The following ELFN1 variants were observed in gnomAD, a reference collection of about 807,000 sequenced individuals.
The protein encoded by ELFN1 is protein ELFN1.
In ELFN1, 6 loss-of-function variants were observed where a neutral mutation model predicts 7.6. The ratio of observed to expected loss-of-function variants is 0.79; its 90% CI spans 0.43 to 1.56. The LOEUF (loss-of-function observed/expected upper bound fraction) is 1.56. ELFN1 is among the 40% of genes most tolerant of loss of function. The pLI is 0.01. For synonymous variants in ELFN1, 657 were observed against 588.1 expected (o/e 1.12, Z -1.70); for missense variants, 1,169 against 1,232.2 (o/e 0.95, Z 0.77).
intron 3 of ELFN1, among the ~76,000 whole-genome samples, chr7:1,712,849 A>C (rs1779702260): frequency 6.6e-6 from 1 of 152,164 alleles, no homozygotes; most frequent in Admixed American, 6.5e-5. Context: ...TTTTATCAGG[A>C]CAGCTTCAAG....
At position 1,743,163 on chromosome 7, in the gene ELFN1, G is replaced by A. The variant is rs148322400; in HGVS notation, c.-293-1141G>A. Among the ~76,000 whole-genome samples, 292 of 152,268 alleles carry A rather than the reference G, an allele frequency of 1.9e-3. 3 individuals carry two copies. Among genetic ancestry groups the A allele is most frequent in the African/African-American group, 6.5e-3 (271 of 41,542 alleles). ...GACGTACCTCCAGCCCCGTCTGCAG[G>A]GTCCTTCCTGCCTGGGGCTTCCCCG... On this transcript the variant is annotated intron_variant, in intron 3 of 3. Transcript: ENST00000424383.
In ELFN1 at chr7:1,729,635, A is replaced by G. The variant is rs1780283927; in HGVS notation, c.-293-14669A>G. Among the ~76,000 whole-genome samples the G allele has an allele frequency of 2.6e-5, 4 of 152,294 alleles. No individual in the cohort carries two copies. In the South Asian group the frequency reaches 6.2e-4, roughly 24 times the overall value. ...GGTTAAGGCTGTCTCAGGCCAGCCC[A>G]GATTCAGGCGTGCTGAGCTAGACCC... On this transcript the variant is annotated intron_variant, in intron 3 of 3. Coordinates refer to ENST00000424383, the MANE Select transcript of ELFN1 (RefSeq NM_001128636.4).
In ELFN1 at chr7:1,688,833, C is replaced by T. The variant is rs375503912; in HGVS notation, c.-456+683C>T. ...TATTTCTCTTGTTACCCTTTTATAG[C>T]CATGCCCCCTTCCCTCACCCCATCC... On this transcript the variant is annotated intron_variant, in intron 2 of 3. Coordinates refer to ENST00000424383, the MANE Select transcript of ELFN1 (RefSeq NM_001128636.4). 5.9e-5 allele frequency among the ~76,000 whole-genome samples: 9 copies of T among 152,256 alleles called. 1 individual carries two copies. In the South Asian group the frequency reaches 1.0e-3, roughly 18 times the overall value.
At chr7:1,679,203 G>A (rs752889048) in intron 1 of ELFN1, among the ~76,000 whole-genome samples, 8 of 152,096 alleles carry the variant, frequency 5.3e-5, no homozygotes, top group Admixed American at 2.0e-4. Flanking sequence ...ACACAACTGC[G>A]CATGGCTCCC....
At chr7:1,725,430 A>G (rs1780161979) in intron 3 of ELFN1, among the ~76,000 whole-genome samples, 1 of 141,258 alleles carries the variant, frequency 7.1e-6, no homozygotes, top group South Asian at 2.3e-4. Context: ...GCAGCCTTAG[A>G]GAGGCGGGAG....
upstream of ELFN1, among the ~76,000 whole-genome samples, chr7:1,666,283 C>CT (rs1778669810): frequency 6.6e-6 from 1 of 150,688 alleles, no homozygotes; most frequent in Admixed American, 6.6e-5. The surrounding 1 kb of genome is among the most constrained non-coding windows in gnomAD (Gnocchi z 7.9). Context: ...AGGATGCTCT[C>CT]TGGGGGGGGC....
At chr7:1,737,349 C>T (rs1352232413) in intron 3 of ELFN1, among the ~76,000 whole-genome samples, 1 of 152,036 alleles carries the variant, frequency 6.6e-6, no homozygotes, top group African/African-American at 2.4e-5. Context: ...AGAGCAAGGC[C>T]AGGAGATGAA....
chr7:1,719,177 GC>G (rs1562375596), intron 3 of ELFN1, among the ~76,000 whole-genome samples: 1 of 123,864 alleles, frequency 8.1e-6, no homozygotes, highest in African/African-American at 3.7e-5. Context: ...ACAGGGCCCC[GC>G]CCACCAACAG....
chr7:1,732,757 A>G (rs1471646927), intron 3 of ELFN1, among the ~76,000 whole-genome samples: 1 of 152,162 alleles, frequency 6.6e-6, no homozygotes, highest in African/African-American at 2.4e-5. Flanking sequence ...AAGCAAGTCA[A>G]AAGCAAGCAT....
intron 2 of ELFN1, among the ~76,000 whole-genome samples, chr7:1,697,307 T>G (rs191650361): frequency 1.6e-3 from 250 of 152,138 alleles, no homozygotes; most frequent in South Asian, 3.3e-3. Context: ...TGCCGCAGAG[T>G]GTGGGACTCA....
At chr7:1,686,777 C>T (rs1262373993) in intron 1 of ELFN1, among the ~76,000 whole-genome samples, 1 of 152,160 alleles carries the variant, frequency 6.6e-6, no homozygotes, top group Non-Finnish European at 1.5e-5. Context: ...TGGGCCCTCT[C>T]TGCTGTCCCC....
intron 3 of ELFN1, among the ~76,000 whole-genome samples, chr7:1,728,817 C>T (rs569365426): frequency 1.1e-4 from 17 of 152,266 alleles, no homozygotes; most frequent in East Asian, 3.9e-4. Flanking sequence ...CAGCTCCTGT[C>T]GGGGAAGGGG....
chr7:1,732,812 G>C (rs1024517929), intron 3 of ELFN1, among the ~76,000 whole-genome samples: 9 of 152,186 alleles, frequency 5.9e-5, no homozygotes, highest in African/African-American at 2.2e-4. Context: ...CCTCTTTCCT[G>C]GGAAGTGAGC....
upstream of ELFN1, among the ~76,000 whole-genome samples, chr7:1,667,694 C>T (rs976850151): frequency 4.6e-5 from 7 of 152,154 alleles, no homozygotes; most frequent in African/African-American, 1.7e-4. The surrounding 1 kb of genome is among the most constrained non-coding windows in gnomAD (Gnocchi z 8.2). Context: ...AGCGCCGGCC[C>T]CGCCCCCCGC....
chr7:1,737,364 G>A (rs1780478300), intron 3 of ELFN1, among the ~76,000 whole-genome samples: 1 of 152,022 alleles, frequency 6.6e-6, no homozygotes, highest in South Asian at 2.1e-4. Context: ...GATGAACACG[G>A]ACCCTCCTGC....
At chr7:1,683,082 TG>T (rs1432822589) in intron 1 of ELFN1, among the ~76,000 whole-genome samples, 1 of 152,194 alleles carries the variant, frequency 6.6e-6, no homozygotes, top group Non-Finnish European at 1.5e-5. Context: ...CTTCTGCTTA[TG>T]AGGTTTAAAG....
At chr7:1,684,842 G>T (rs939421754) in intron 1 of ELFN1, among the ~76,000 whole-genome samples, 32 of 152,060 alleles carry the variant, frequency 2.1e-4, no homozygotes, top group Admixed American at 1.8e-3. Flanking sequence ...TAAAAATATT[G>T]CTTTATACAA....
intron 3 of ELFN1, among the ~76,000 whole-genome samples, chr7:1,721,952 C>T (rs553123567): frequency 5.3e-5 from 8 of 152,316 alleles, no homozygotes; most frequent in Non-Finnish European, 8.8e-5. Flanking sequence ...CCCTGGCTTA[C>T]GGCTCCCAGA....
At chr7:1,691,291 G>A (rs1205663911) in intron 2 of ELFN1, among the ~76,000 whole-genome samples, 2 of 152,186 alleles carry the variant, frequency 1.3e-5, no homozygotes, top group African/African-American at 2.4e-5. Flanking sequence ...TTGCACCCTC[G>A]GAGGTTGATG....
Sources: gnomAD v4.1 joint callset for allele counts (sites outside exome capture counted in the v4.1 genomes callset) on GRCh38, gnomAD v4.1.1 for gene constraint, Gnocchi (gnomAD v3.1) non-coding constraint, MANE v1.5 for transcripts, NCBI Gene and HGNC (gene_info 2026-07-23, HGNC 2026-07-21) for gene names.